Variants in GPC5 observed in about 807,000 individuals in gnomAD.
The protein encoded by GPC5 is glypican-5.
GPC5 carries 47 observed loss-of-function variants against 53.9 expected under a neutral mutation model. That is an observed-to-expected ratio of 0.87 (90% CI 0.69 to 1.11). The LOEUF (loss-of-function observed/expected upper bound fraction) is 1.11. GPC5 is among the 50% of genes most tolerant of loss of function. The pLI, the probability that GPC5 is intolerant of heterozygous loss-of-function variation, is 0.00. For synonymous variants in GPC5, 286 were observed against 263.3 expected, an observed-to-expected ratio of 1.09 and a Z score of -0.84; for missense variants, 748 against 713.1, an observed-to-expected ratio of 1.05 and a Z score of -0.56.
intron 7 of GPC5, among the ~76,000 whole-genome samples, chr13:92,681,645 T>G (rs75555131): frequency 6.6e-6 from 1 of 152,218 alleles, no homozygotes; most frequent in East Asian, 1.9e-4. Flanking sequence ...GTGACCATTT[T>G]TGGTCAGACC....
At chr13:92,521,262 A>AT (rs1447865762) in intron 7 of GPC5, among the ~76,000 whole-genome samples, 1 of 152,152 alleles carries the variant, frequency 6.6e-6, no homozygotes, top group African/African-American at 2.4e-5. Flanking sequence ...TCTTCACAGA[A>AT]TTGGAAAAAA....
At chr13:92,002,723 C>CA (rs1427212850) in intron 6 of GPC5, among the ~76,000 whole-genome samples, 1 of 151,734 alleles carries the variant, frequency 6.6e-6, no homozygotes, top group Non-Finnish European at 1.5e-5. Context: ...GAACAACAAC[C>CA]AAAAAAAACT....
intron 2 of GPC5, among the ~76,000 whole-genome samples, chr13:91,640,862 G>A (rs1305064625): frequency 6.6e-6 from 1 of 151,188 alleles, no homozygotes; most frequent in Non-Finnish European, 1.5e-5. Context: ...CAATAGCAAA[G>A]ACATGAAATA....
chr13:91,633,631 G>T (rs1490650850), intron 2 of GPC5, among the ~76,000 whole-genome samples: 1 of 152,118 alleles, frequency 6.6e-6, no homozygotes, highest in African/African-American at 2.4e-5. Flanking sequence ...TTGAGTGTTC[G>T]TCTGGTTGAC....
At chr13:92,617,724 T>G (rs1884740205) in intron 7 of GPC5, among the ~76,000 whole-genome samples, 1 of 152,202 alleles carries the variant, frequency 6.6e-6, no homozygotes, top group South Asian at 2.1e-4. Flanking sequence ...TTTTATAAAT[T>G]GCAATGACTG....
At chr13:91,553,305 C>T (rs558682937) in intron 2 of GPC5, among the ~76,000 whole-genome samples, 85 of 98,930 alleles carry the variant, frequency 8.6e-4, no homozygotes, top group South Asian at 5.7e-3. Context: ...GAATGGAGAC[C>T]GGTTTATGCT....
At chr13:91,739,395 A>G (rs919133447) in intron 4 of GPC5, among the ~76,000 whole-genome samples, 4 of 151,410 alleles carry the variant, frequency 2.6e-5, no homozygotes, top group South Asian at 2.1e-4. Flanking sequence ...ATCTATTGCA[A>G]TCTAACAAAT....
chr13:92,316,499 C>G (rs576231365), intron 7 of GPC5, among the ~76,000 whole-genome samples: 10 of 151,952 alleles, frequency 6.6e-5, no homozygotes, highest in Non-Finnish European at 1.0e-4. Context: ...GCTTAAGTAT[C>G]TAGATTTTTA....
At chr13:91,895,484 T>G (rs553708635) in intron 5 of GPC5, among the ~76,000 whole-genome samples, 95 of 152,268 alleles carry the variant, frequency 6.2e-4, no homozygotes, top group African/African-American at 2.0e-3. Context: ...CACAGAAATG[T>G]TTTTTTGTGT....
intron 7 of GPC5, among the ~76,000 whole-genome samples, chr13:92,236,365 G>A (rs1383055367): frequency 6.6e-6 from 1 of 151,960 alleles, no homozygotes; most frequent in African/African-American, 2.4e-5. Context: ...TCATATCATA[G>A]CAAATGATGT....
intron 7 of GPC5, among the ~76,000 whole-genome samples, chr13:92,613,441 T>TATG (rs57915475): frequency 0.59 from 31,346 of 53,468 alleles, 10,174 homozygotes; most frequent in East Asian, 0.69. Flanking sequence ...TATATATAAA[T>TATG]ATATATATTT....
At chr13:92,828,031 G>C (rs1374555418) in intron 7 of GPC5, among the ~76,000 whole-genome samples, 1 of 152,050 alleles carries the variant, frequency 6.6e-6, no homozygotes, top group East Asian at 1.9e-4. Flanking sequence ...CAACCAAATA[G>C]GCAAAGCATA....
intron 7 of GPC5, among the ~76,000 whole-genome samples, chr13:92,693,807 A>T (rs763420002): frequency 6.6e-6 from 1 of 152,234 alleles, no homozygotes; most frequent in African/African-American, 2.4e-5. Context: ...ACAAATTTGC[A>T]TAAGTAAATG....
At chr13:92,359,510 C>T (rs1474318788) in intron 7 of GPC5, among the ~76,000 whole-genome samples, 1 of 151,628 alleles carries the variant, frequency 6.6e-6, no homozygotes, top group Non-Finnish European at 1.5e-5. Flanking sequence ...TATAGAAATA[C>T]CCCACTCCCA....
intron 7 of GPC5, among the ~76,000 whole-genome samples, chr13:92,582,127 T>G (rs1332458303): frequency 6.6e-6 from 1 of 152,258 alleles, no homozygotes; most frequent in South Asian, 2.1e-4. Context: ...CCTACATCAA[T>G]GTCATATAGT....
intron 3 of GPC5, among the ~76,000 whole-genome samples, chr13:91,709,646 C>T (rs554676581): frequency 1.3e-5 from 2 of 152,332 alleles, no homozygotes; most frequent in South Asian, 4.1e-4. Flanking sequence ...AACACTGTAA[C>T]TTCTCTTTTA....
chr13:92,418,658 A>T (rs1158974851), intron 7 of GPC5, among the ~76,000 whole-genome samples: 1 of 152,176 alleles, frequency 6.6e-6, no homozygotes, highest in African/African-American at 2.4e-5. Flanking sequence ...TTGATGGCAT[A>T]GTGTTAAAGT....
chr13:92,232,441 G>A (rs1238744158), intron 7 of GPC5, among the ~76,000 whole-genome samples: 1 of 152,090 alleles, frequency 6.6e-6, no homozygotes, highest in Non-Finnish European at 1.5e-5. Context: ...CCTTAAAGTT[G>A]AATAAAGGAA....
At position 92,024,264 on chromosome 13, in the gene GPC5, A is replaced by G. The variant is rs193165833; in HGVS notation, c.1401+116207A>G. The stretch of plus-strand genomic sequence containing the variant: ...GGAAACTTTTCTTTTTGTTTTATAT[A>G]TTTTCAGTTTTTAAACACTGTATTG... On this transcript the variant is annotated intron_variant, in intron 6 of 7. Transcript: ENST00000377067. Among the ~76,000 whole-genome samples the G allele has an allele frequency of 5.9e-5, 9 of 152,058 alleles. No individual in the cohort carries two copies. In the East Asian group the frequency reaches 1.7e-3, roughly 29 times the overall value.
Sources: gnomAD v4.1 joint callset for allele counts (sites outside exome capture counted in the v4.1 genomes callset) on GRCh38, gnomAD v4.1.1 for gene constraint, MANE v1.5 for transcripts, NCBI Gene and HGNC (gene_info 2026-07-23, HGNC 2026-07-21) for gene names.